The following EMP2 variants were observed in gnomAD, a reference collection of about 807,000 sequenced individuals.
The protein encoded by EMP2 is epithelial membrane protein 2.
In EMP2, 19 loss-of-function variants were observed where a neutral mutation model predicts 13.7. That is an observed-to-expected ratio of 1.38 (90% confidence interval 0.97 to 2.03). The LOEUF is 2.03. Ranked by LOEUF, EMP2 falls within the 30% of genes most tolerant of loss-of-function variation. The pLI, the probability that EMP2 is intolerant of heterozygous loss-of-function variation, is 0.00. For missense variants in EMP2, 253 were observed against 220.7 expected, an observed-to-expected ratio of 1.15 and a Z score of -0.93; for synonymous variants, 97 against 84.7, an observed-to-expected ratio of 1.15 and a Z score of -0.80.
At chr16:10,558,810 C>A (rs1413527004) in intron 1 of EMP2, among the ~76,000 whole-genome samples, 2 of 152,110 alleles carry the variant, frequency 1.3e-5, no homozygotes, top group Non-Finnish European at 2.9e-5. Flanking sequence ...GAGAGCCCAG[C>A]TGGCTTCCCG....
chr16:10,567,115 T>C (rs1412152822), intron 1 of EMP2, among the ~76,000 whole-genome samples: 1 of 136,296 alleles, frequency 7.3e-6, no homozygotes, highest in Non-Finnish European at 1.5e-5. Flanking sequence ...AAACATTATC[T>C]GCCATTTTCT....
At chr16:10,544,662 G>A (rs758361583) in intron 2 of EMP2, 1 of 152,812 alleles carries the variant, frequency 6.5e-6, no homozygotes, top group Admixed American at 6.5e-5. Context: ...GGGAGGCCGA[G>A]GTGGGAGGAT....
intron 4 of EMP2, among the ~76,000 whole-genome samples, chr16:10,534,739 T>G (rs1182547247): frequency 6.6e-6 from 1 of 152,178 alleles, no homozygotes; most frequent in South Asian, 2.1e-4. Context: ...GCACTCCAGC[T>G]TGGGCGACAG....
At chr16:10,544,510 T>TTA (rs2050724947) in intron 2 of EMP2, 1 of 152,282 alleles carries the variant, frequency 6.6e-6, no homozygotes, top group Non-Finnish European at 1.5e-5. Context: ...CGGCTCCAGG[T>TTA]GATGCCCTGC....
chr16:10,571,317 G>C (rs968900188), intron 1 of EMP2, among the ~76,000 whole-genome samples: 4 of 148,168 alleles, frequency 2.7e-5, no homozygotes, highest in African/African-American at 1.0e-4. Context: ...GAGTGGGCTA[G>C]AGGAGAAAGC....
chr16:10,579,711 C>T (rs928914214), intron 1 of EMP2, among the ~76,000 whole-genome samples: 2 of 34,126 alleles, frequency 5.9e-5, no homozygotes, highest in Non-Finnish European at 1.2e-4. Context: ...TCAAGGTGCA[C>T]ACACACACAC....
chr16:10,540,552 G>A (rs2050687963), intron 3 of EMP2, among the ~76,000 whole-genome samples: 1 of 117,812 alleles, frequency 8.5e-6, no homozygotes, highest in African/African-American at 3.7e-5. Flanking sequence ...ATTTCTCTAA[G>A]GACCTCAAGG....
At chr16:10,565,361 T>G (rs1049751979) in intron 1 of EMP2, among the ~76,000 whole-genome samples, 3 of 152,172 alleles carry the variant, frequency 2.0e-5, no homozygotes, top group Non-Finnish European at 4.4e-5. Context: ...GGGCTATGCC[T>G]CATCCAATCA....
intron 1 of EMP2, among the ~76,000 whole-genome samples, chr16:10,554,297 G>A (rs1654535842): frequency 6.6e-6 from 1 of 152,222 alleles, no homozygotes; most frequent in Non-Finnish European, 1.5e-5. Flanking sequence ...CTCCCAGAGT[G>A]CTAGGATTAC....
intron 1 of EMP2, among the ~76,000 whole-genome samples, chr16:10,567,114 CT>C (rs146926959): frequency 0.053 from 8,078 of 151,792 alleles, 385 homozygotes; most frequent in African/African-American, 0.13. Context: ...TAAACATTAT[CT>C]GCCATTTTCT....
intron 1 of EMP2, chr16:10,576,352 G>A (rs1680873148): frequency 6.6e-6 from 1 of 152,050 alleles, no homozygotes; most frequent in African/African-American, 2.4e-5. Flanking sequence ...ATTGCATTTT[G>A]AGGAAAGACA....
intron 1 of EMP2, among the ~76,000 whole-genome samples, chr16:10,558,836 CTGT>C (rs2050851635): frequency 1.3e-5 from 2 of 152,244 alleles, no homozygotes; most frequent in African/African-American, 4.8e-5. Flanking sequence ...AGAGAACGTG[CTGT>C]TAAGATGACC....
chr16:10,564,741 C>T (rs2050895971), intron 1 of EMP2, among the ~76,000 whole-genome samples: 1 of 152,084 alleles, frequency 6.6e-6, no homozygotes, highest in Non-Finnish European at 1.5e-5. Context: ...AAATAAACCA[C>T]CAGGGCAGCC....
At chr16:10,550,664 C>A (rs998865700) in intron 1 of EMP2, among the ~76,000 whole-genome samples, 2 of 152,086 alleles carry the variant, frequency 1.3e-5, no homozygotes, top group African/African-American at 2.4e-5. Flanking sequence ...CTGTACATTT[C>A]CCCTTTGTCA....
chr16:10,553,740 A>G (rs949527342), intron 1 of EMP2, among the ~76,000 whole-genome samples: 1 of 152,198 alleles, frequency 6.6e-6, no homozygotes, highest in East Asian at 1.9e-4. Context: ...CTACACCACA[A>G]TTTACTTAAC....
intron 1 of EMP2, among the ~76,000 whole-genome samples, chr16:10,578,892 G>A (rs567853344): frequency 1.6e-4 from 25 of 152,352 alleles, no homozygotes; most frequent in Non-Finnish European, 3.1e-4. Context: ...GCCCCCGTGG[G>A]CATCCACGCC....
At chr16:10,573,331 C>T (rs1032753185) in intron 1 of EMP2, among the ~76,000 whole-genome samples, 1 of 152,190 alleles carries the variant, frequency 6.6e-6, no homozygotes, top group African/African-American at 2.4e-5. Flanking sequence ...AAATTACAGG[C>T]CTGAGCCACC....
chr16:10,538,000 A>C lies in EMP2; in HGVS notation c.244T>G (p.Phe82Val). 6.2e-7 allele frequency: 1 copy of C among 1,614,146 alleles called. No individual in the cohort carries two copies. The highest frequency in any genetic ancestry group is 8.5e-7 in the Non-Finnish European group (1 of 1,180,018). ...TTCAGGCGGAAGAGCTGGAGCACGAAGATGAAGAAGGCGATGCAGCAGAGA... is the reference window on the plus strand; with the variant it reads ...TTCAGGCGGAAGAGCTGGAGCACGACGATGAAGAAGGCGATGCAGCAGAGA... ...TILCCIAFFI[F>V]VLQLFRLKQG... Residue 82 changes from phenylalanine (F) to valine (V), a missense_variant, in exon 4 of 5, where the codon TTC becomes GTC. Phe to Val is a conservative substitution (Grantham distance 50). Transcript: ENST00000359543.
chr16:10,573,432 A>G (rs2050961224), intron 1 of EMP2, among the ~76,000 whole-genome samples: 1 of 152,134 alleles, frequency 6.6e-6, no homozygotes, highest in Non-Finnish European at 1.5e-5. Flanking sequence ...TCCAAGGGGG[A>G]TGCTCCATGT....
Sources: gnomAD v4.1 joint callset for allele counts (sites outside exome capture counted in the v4.1 genomes callset) on GRCh38, gnomAD v4.1.1 for gene constraint, MANE v1.5 for transcripts, NCBI Gene and HGNC (gene_info 2026-07-23, HGNC 2026-07-21) for gene names.